Variants in LGALS9B observed in about 807,000 individuals in gnomAD.
LGALS9B encodes galectin 9B, also known as galectin-9B.
Under a neutral mutation model 35.9 loss-of-function variants are expected in LGALS9B, and 8 were observed. The observed-to-expected ratio is 0.22, with a 90% CI of 0.13 to 0.40. The LOEUF is 0.40. Ranked by LOEUF, LGALS9B falls within the 10% of genes least tolerant of loss-of-function variation. LGALS9B has a pLI of 1.00. For synonymous variants in LGALS9B, 42 were observed against 148.6 expected (o/e 0.28, Z 5.22); for missense variants, 101 against 397.9 (o/e 0.25, Z 6.35).
chr17:20,464,530 C>T (rs1034788909), intron 1 of LGALS9B, among the ~76,000 whole-genome samples: 13 of 152,120 alleles, frequency 8.5e-5, no homozygotes, highest in Admixed American at 2.0e-4. Context: ...CTTGCTCACA[C>T]GATGATTTTA....
At chr17:20,464,228 A>C (rs990766599) in intron 1 of LGALS9B, among the ~76,000 whole-genome samples, 8 of 149,484 alleles carry the variant, frequency 5.4e-5, no homozygotes, top group Admixed American at 3.3e-4. Context: ...CCTCCCAGGT[A>C]GCTGGGACTA....
At chr17:20,454,574 C>T (rs2042672735) in intron 5 of LGALS9B, among the ~76,000 whole-genome samples, 1 of 145,642 alleles carries the variant, frequency 6.9e-6, no homozygotes, top group South Asian at 2.3e-4. Context: ...CAAACAGTTA[C>T]AATGGGGTGC....
chr17:20,466,511 G>A (rs895938605), intron 1 of LGALS9B, among the ~76,000 whole-genome samples: 2 of 142,920 alleles, frequency 1.4e-5, no homozygotes, highest in South Asian at 2.2e-4. Flanking sequence ...CCAGCCCCTC[G>A]GGAAGCTCTT....
At chr17:20,451,427 C>T in intron 10 of LGALS9B, 54 bp downstream of exon 10, 2 of 1,330,302 alleles carry the variant, frequency 1.5e-6, no homozygotes, top group Non-Finnish European at 2.0e-6. Context: ...CTCCTTTACC[C>T]CCTCCCCGTG....
chr17:20,451,111 C>T (rs1437156537), intron 10 of LGALS9B, among the ~76,000 whole-genome samples: 2 of 151,276 alleles, frequency 1.3e-5, no homozygotes, highest in East Asian at 1.9e-4. Flanking sequence ...TTCATGACTG[C>T]GCTCCCAGCA....
intron 1 of LGALS9B, among the ~76,000 whole-genome samples, chr17:20,466,393 C>A (rs1250433955): frequency 2.0e-5 from 3 of 151,754 alleles, no homozygotes; most frequent in Non-Finnish European, 2.9e-5. Context: ...CCGACCCTGG[C>A]CTCTGCTGAG....
intron 5 of LGALS9B, among the ~76,000 whole-genome samples, chr17:20,454,574 C>G (rs2042672735): frequency 1.4e-5 from 2 of 145,642 alleles, no homozygotes; most frequent in African/African-American, 2.5e-5. Flanking sequence ...CAAACAGTTA[C>G]AATGGGGTGC....
chr17:20,465,842 G>A (rs1190279785), intron 1 of LGALS9B, among the ~76,000 whole-genome samples: 37 of 149,288 alleles, frequency 2.5e-4, no homozygotes, highest in African/African-American at 8.4e-4. Flanking sequence ...GGCTCCGACT[G>A]CCAGATGGGT....
chr17:20,451,612 T>C lies in LGALS9B; in HGVS notation c.793A>G (p.Ile265Val). 1.3e-6 allele frequency: 2 copies of C among 1,599,484 alleles called. No homozygotes were observed. The highest frequency in any genetic ancestry group is 2.2e-5 in the South Asian group (2 of 90,622). Residue 265 changes from isoleucine to valine, a missense_variant, in exon 10 of 11, where the codon ATC becomes GTC. By Grantham distance (29) the Ile-to-Val change is conservative. Transcript: ENST00000423676. ...AAACGGGGGTTCATGTGGAAGGCGA[T>C]GTGGCTCCCAGAGCACAGGTTGATG... The part of the protein sequence containing the change: ...FHINLCSGSH[I>V]AFHMNPRFDE...
chr17:20,460,340 A>G lies in LGALS9B; in HGVS notation c.131+12T>C, dbSNP rs771269927. ...AGGCTGGAGTGAAACGTTTCCATCC[A>G]TATACACACACCTGGTTCCACTGGA... On this transcript the variant is annotated intron_variant, in intron 2 of 10. Coordinates refer to ENST00000423676, the MANE Select transcript of LGALS9B (RefSeq NM_001367292.2). The G allele has an allele frequency of 1.2e-5, 19 of 1,603,386 alleles. No homozygotes were observed. The highest frequency in any genetic ancestry group is 3.3e-5 in the South Asian group (3 of 91,042).
intron 4 of LGALS9B, 93 bp downstream of exon 4, chr17:20,456,466 TCC>T (rs2042690526): frequency 1.8e-6 from 1 of 554,278 alleles, no homozygotes; most frequent in African/African-American, 5.5e-5. Context: ...GCAGAGGTTG[TCC>T]CCAGAGTGAC....
At chr17:20,465,138 A>G (rs914756597) in intron 1 of LGALS9B, among the ~76,000 whole-genome samples, 1 of 149,110 alleles carries the variant, frequency 6.7e-6, no homozygotes, top group African/African-American at 2.5e-5. Flanking sequence ...CCTGCGGACC[A>G]GAATGTGGGC....
At chr17:20,452,889 T>TCAG in intron 7 of LGALS9B, 128 bp downstream of exon 7, 1 of 682,088 alleles carries the variant, frequency 1.5e-6, no homozygotes, top group Non-Finnish European at 2.5e-6. Context: ...AGCCAAGGAC[T>TCAG]CAGCCCCAGA....
chr17:20,450,909 T>C (rs59377975), intron 10 of LGALS9B, among the ~76,000 whole-genome samples: 20,043 of 149,308 alleles, frequency 0.13, no homozygotes, highest in African/African-American at 0.28. Flanking sequence ...CTGCTGTTCC[T>C]GGAGAGGCCA....
intron 7 of LGALS9B, 75 bp downstream of exon 7, chr17:20,452,941 AG>A: frequency 8.5e-7 from 1 of 1,172,116 alleles, no homozygotes; most frequent in Non-Finnish European, 1.2e-6. Context: ...TCCCAACTCT[AG>A]GGCTCTAGGG....
chr17:20,467,310 C>T (rs2042769720), intron 1 of LGALS9B, 122 bp downstream of exon 1: 2 of 673,534 alleles, frequency 3.0e-6, no homozygotes, highest in Non-Finnish European at 5.1e-6. Flanking sequence ...TTCTGCCCTG[C>T]TTGTGTTCTC....
At chr17:20,466,130 C>T (rs2042761043) in intron 1 of LGALS9B, among the ~76,000 whole-genome samples, 1 of 152,028 alleles carries the variant, frequency 6.6e-6, no homozygotes, top group Non-Finnish European at 1.5e-5. Context: ...GTGACATGCT[C>T]AAGGTGGCAT....
At chr17:20,454,850 G>GGACTGGGGCCA (rs1234759581) in intron 5 of LGALS9B, among the ~76,000 whole-genome samples, 1 of 151,354 alleles carries the variant, frequency 6.6e-6, no homozygotes, top group Non-Finnish European at 1.5e-5. Context: ...GCAAGGAGGT[G>GGACTGGGGCCA]GACTGGGGCC....
At chr17:20,460,278 C>T in intron 2 of LGALS9B, 74 bp downstream of exon 2, 1 of 1,609,734 alleles carries the variant, frequency 6.2e-7, no homozygotes, top group Non-Finnish European at 8.5e-7. Flanking sequence ...TTTGAACTAA[C>T]CGAGGCTCAC....
Sources: gnomAD v4.1 joint callset for allele counts (sites outside exome capture counted in the v4.1 genomes callset) on GRCh38, gnomAD v4.1.1 for gene constraint, MANE v1.5 for transcripts, NCBI Gene and HGNC (gene_info 2026-07-23, HGNC 2026-07-21) for gene names.